The following DOK6 variants were observed in gnomAD, a reference collection of about 807,000 sequenced individuals.
DOK6 encodes the protein downstream of tyrosine kinase 6.
In DOK6, 22 loss-of-function variants were observed where a neutral mutation model predicts 44.0. The observed-to-expected ratio is 0.50, with a 90% CI of 0.36 to 0.71. DOK6 has a LOEUF of 0.71. Ranked by LOEUF, DOK6 falls within the 30% of genes least tolerant of loss-of-function variation. The pLI is 0.00. For missense variants in DOK6, 340 were observed against 416.4 expected, an observed-to-expected ratio of 0.82 and a Z score of 1.60; for synonymous variants, 166 against 145.5, an observed-to-expected ratio of 1.14 and a Z score of -1.01.
chr18:69,698,391 C>T lies in DOK6; in HGVS notation c.410-13C>T, dbSNP rs371750702. ...TTTTCACTTAACCTTCTCCATTCTT[C>T]GTCTCTTCACAGAGAGATTCAACGT... On this transcript the variant is annotated splice_polypyrimidine_tract_variant and intron_variant, in intron 4 of 7. Coordinates refer to ENST00000382713, the MANE Select transcript of DOK6 (RefSeq NM_152721.6). 2.4e-5 allele frequency: 38 copies of T among 1,595,440 alleles called. No homozygotes were observed. The South Asian group carries it at 3.9e-4, about 16-fold the overall frequency.
intron 1 of DOK6, among the ~76,000 whole-genome samples, chr18:69,511,203 A>T (rs1981356089): frequency 6.6e-6 from 1 of 152,116 alleles, no homozygotes; most frequent in East Asian, 1.9e-4. Context: ...AAGACCTTGA[A>T]CCATCTTTCT....
At chr18:69,599,296 A>G (rs1388663092) in intron 2 of DOK6, 88 bp from the exon 3 acceptor site, 3 of 922,992 alleles carry the variant, frequency 3.3e-6, no homozygotes, top group African/African-American at 1.7e-5. Flanking sequence ...AATTCATGTA[A>G]GACTGTGATA....
chr18:69,530,456 G>A (rs1228532812), intron 1 of DOK6, among the ~76,000 whole-genome samples: 1 of 152,104 alleles, frequency 6.6e-6, no homozygotes, highest in Non-Finnish European at 1.5e-5. Context: ...AGCAGGGCCT[G>A]GATAGCAGAT....
At chr18:69,442,823 T>A (rs1412691442) in intron 1 of DOK6, among the ~76,000 whole-genome samples, 1 of 152,218 alleles carries the variant, frequency 6.6e-6, no homozygotes, top group Non-Finnish European at 1.5e-5. Context: ...TTGCACATCT[T>A]TCATTGTATA....
intron 3 of DOK6, among the ~76,000 whole-genome samples, chr18:69,622,774 G>A (rs1371054879): frequency 1.3e-5 from 2 of 152,104 alleles, no homozygotes; most frequent in Non-Finnish European, 2.9e-5. Context: ...ATTGTCTAAG[G>A]CATATAAATG....
At chr18:69,689,012 ACTT>A (rs1418026751) in intron 4 of DOK6, among the ~76,000 whole-genome samples, 1 of 152,198 alleles carries the variant, frequency 6.6e-6, no homozygotes, top group Non-Finnish European at 1.5e-5. Context: ...GAAATGTTGA[ACTT>A]CATCAAAACT....
chr18:69,483,826 A>T (rs1389529317), intron 1 of DOK6: 2 of 152,100 alleles, frequency 1.3e-5, no homozygotes, highest in Non-Finnish European at 2.9e-5. Context: ...GAGATGCATT[A>T]GTCTTTGCGG....
intron 2 of DOK6, among the ~76,000 whole-genome samples, chr18:69,587,426 T>C (rs1172795393): frequency 6.6e-6 from 1 of 152,128 alleles, no homozygotes; most frequent in African/African-American, 2.4e-5. Context: ...GTAAAGACAC[T>C]TGCCATTAGA....
intron 1 of DOK6, among the ~76,000 whole-genome samples, chr18:69,450,534 C>G (rs1251127922): frequency 7.4e-6 from 1 of 135,504 alleles, no homozygotes; most frequent in East Asian, 2.2e-4. Flanking sequence ...GGCAGGCCAA[C>G]GTTCAGATTC....
chr18:69,815,471 C>T (rs1031180488), intron 7 of DOK6, among the ~76,000 whole-genome samples: 6 of 152,122 alleles, frequency 3.9e-5, no homozygotes, highest in Middle Eastern at 3.2e-3. Flanking sequence ...CTTGGGACTA[C>T]GAATAAGGTT....
intron 4 of DOK6, 111 bp downstream of exon 4, chr18:69,677,964 A>G: frequency 7.0e-7 from 1 of 1,430,804 alleles, no homozygotes; most frequent in Non-Finnish European, 9.2e-7. Flanking sequence ...TTTAAATCAA[A>G]AAGGCCGAGT....
At chr18:69,448,885 A>G (rs773131822) in intron 1 of DOK6, among the ~76,000 whole-genome samples, 4 of 152,212 alleles carry the variant, frequency 2.6e-5, no homozygotes, top group African/African-American at 4.8e-5. Context: ...ATGTGGCAAT[A>G]TATTTCAATT....
At position 69,842,512 on chromosome 18, in the gene DOK6, A is replaced by C. The variant is rs569761716; in HGVS notation, c.*1129A>C. On this transcript the variant is annotated 3_prime_UTR_variant, in exon 8 of 8. Coordinates refer to ENST00000382713, the MANE Select transcript of DOK6 (RefSeq NM_152721.6). Reference sequence around the variant, plus strand: ...GAACAAAATGGGTACAGGATTGTGGATATCATAGATGCTGTTCTCACACAA... The same window carrying C: ...GAACAAAATGGGTACAGGATTGTGGCTATCATAGATGCTGTTCTCACACAA... 3 of 152,310 alleles carry C rather than the reference A, an allele frequency of 2.0e-5. No individual in the cohort carries two copies. The East Asian group carries it at 5.8e-4, about 29-fold the overall frequency. 9.4% of individuals were successfully genotyped at this position (152,310 alleles called of 1,614,324 possible).
intron 6 of DOK6, among the ~76,000 whole-genome samples, chr18:69,742,876 T>C (rs1005747769): frequency 1.3e-5 from 2 of 152,246 alleles, no homozygotes; most frequent in Admixed American, 6.5e-5. Flanking sequence ...AATACACCAT[T>C]TGAGCTTGTT....
chr18:69,576,318 C>T (rs577932089), intron 2 of DOK6, among the ~76,000 whole-genome samples: 3 of 152,070 alleles, frequency 2.0e-5, no homozygotes, highest in Non-Finnish European at 4.4e-5. Flanking sequence ...ATATCTTGAA[C>T]TTGTAACTAA....
intron 1 of DOK6, among the ~76,000 whole-genome samples, chr18:69,481,875 C>G (rs1980434401): frequency 6.6e-6 from 1 of 152,210 alleles, no homozygotes; most frequent in Non-Finnish European, 1.5e-5. Context: ...CACATCCTCT[C>G]CAGCACCTGT....
rs377517457 is a variant in DOK6, at chr18:69,434,928, AAGGGAGGGAGGG to A, written c.66+33636_66+33647del. Among the ~76,000 whole-genome samples, 19 of 71,144 alleles carry A rather than the reference AAGGGAGGGAGGG, an allele frequency of 2.7e-4. 1 individual carries two copies. Among genetic ancestry groups the A allele is most frequent in the African/African-American group, 3.3e-4 (7 of 21,068 alleles). The allele number at this position is 71,144 out of a possible 152,430, so 46.7% of individuals were successfully genotyped here. On this transcript the variant is annotated intron_variant, in intron 1 of 7. Transcript: ENST00000382713. ...AGAGCGAGGCTCTGTCAAAAGAAAA[AAGGGAGGGAGGG>A]AGGGAGGGAGGGAGGGAAGGAAGGA...
In DOK6 at chr18:69,428,570, G is replaced by T. The variant is rs75154534; in HGVS notation, c.66+27260G>T. 8.7e-3 allele frequency among the ~76,000 whole-genome samples: 1,322 copies of T among 152,168 alleles called. 13 individuals carry two copies. The highest frequency in any genetic ancestry group is 0.029 in the African/African-American group (1,217 of 41,550). On this transcript the variant is annotated intron_variant, in intron 1 of 7. Transcript: ENST00000382713. ...CTTAATCCTTAAGAGGATAACTCTA[G>T]AGCTTCCTCATGAAAAATTACTAAG...
intron 5 of DOK6, among the ~76,000 whole-genome samples, chr18:69,735,094 A>G (rs1978559193): frequency 6.6e-6 from 1 of 152,188 alleles, no homozygotes; most frequent in South Asian, 2.1e-4. Context: ...AAATATATAC[A>G]TCCACATGAT....
Sources: allele counts gnomAD v4.1 joint callset (sites outside exome capture counted in the v4.1 genomes callset), GRCh38; gene constraint gnomAD v4.1.1; transcripts MANE v1.5; gene names NCBI Gene and HGNC (gene_info 2026-07-23, HGNC 2026-07-21).